Variants in CCDC178 observed in about 807,000 individuals in gnomAD.
The protein encoded by CCDC178 is coiled-coil domain containing 178.
CCDC178 carries 126 observed loss-of-function variants against 117.4 expected under a neutral mutation model. The observed-to-expected ratio is 1.07, with a 90% CI of 0.93 to 1.24. CCDC178 has a LOEUF of 1.24. CCDC178 is among the 50% of genes most tolerant of loss of function. CCDC178 has a pLI of 0.00. For synonymous variants in CCDC178, 283 were observed against 313.4 expected (o/e 0.90, Z 1.02); for missense variants, 1,030 against 986.9 (o/e 1.04, Z -0.59).
chr18:33,074,691 T>A (rs1040220441), intron 21 of CCDC178, among the ~76,000 whole-genome samples: 10 of 151,770 alleles, frequency 6.6e-5, no homozygotes, highest in Non-Finnish European at 1.3e-4. Context: ...GGAAGGGGAG[T>A]GGTAAACAGT....
At chr18:33,079,990 G>A (rs1211093011) in intron 21 of CCDC178, among the ~76,000 whole-genome samples, 3 of 152,144 alleles carry the variant, frequency 2.0e-5, no homozygotes, top group African/African-American at 4.8e-5. Context: ...GCTCATTGCA[G>A]CACTCTTCAC....
intron 6 of CCDC178, among the ~76,000 whole-genome samples, chr18:33,360,093 A>G (rs1181873612): frequency 6.6e-6 from 1 of 151,234 alleles, no homozygotes; most frequent in African/African-American, 2.4e-5. Flanking sequence ...GCTAATAAGG[A>G]TGTGAAGAAA....
rs750139599 is a variant in CCDC178 at position 33,346,406 on chromosome 18, T to C, written c.463A>G (p.Lys155Glu). The stretch of plus-strand genomic sequence containing the variant: ...ATTTCCTGCTTTAACTCTGGACACT[T>C]TTCATCTTAAACAGAAATAAATATT... ...EVKPGEKRDE[K>E]CPELKQEMET... The change falls in exon 9 of 23, where the codon AAG becomes GAG. Residue 155 changes from lysine (K) to glutamate (E), a missense_variant. Lys to Glu is a moderately conservative substitution (Grantham distance 56). Transcript: ENST00000383096. 4 of 1,604,946 alleles carry C rather than the reference T, an allele frequency of 2.5e-6. No individual in the cohort carries two copies. Among genetic ancestry groups the C allele is most frequent in the Admixed American group, 1.7e-5 (1 of 59,616 alleles).
At chr18:33,179,628 C>A (rs2144471895) in intron 20 of CCDC178, among the ~76,000 whole-genome samples, 1 of 152,096 alleles carries the variant, frequency 6.6e-6, no homozygotes, top group East Asian at 1.9e-4. Flanking sequence ...AAAATAGTGT[C>A]TCTTCCCCCA....
intron 12 of CCDC178, among the ~76,000 whole-genome samples, chr18:33,268,184 C>T (rs2059842744): frequency 6.6e-6 from 1 of 151,432 alleles, no homozygotes; most frequent in South Asian, 2.1e-4. Flanking sequence ...TGAGACTACC[C>T]AAAAGGTATC....
chr18:33,321,763 A>C (rs1292367527), intron 11 of CCDC178, among the ~76,000 whole-genome samples: 1 of 152,012 alleles, frequency 6.6e-6, no homozygotes, highest in African/African-American at 2.4e-5. Context: ...AAAAAAATAC[A>C]ACAAATGTGG....
At chr18:33,383,888 C>T (rs563716477) in intron 5 of CCDC178, among the ~76,000 whole-genome samples, 1 of 152,190 alleles carries the variant, frequency 6.6e-6, no homozygotes, top group African/African-American at 2.4e-5. Context: ...AAGTAGGCTT[C>T]ACAAGGTGGG....
rs62090748 is a variant in CCDC178 at position 33,051,781 on chromosome 18, C to A, written c.2388+40980G>T. 2.6e-3 allele frequency among the ~76,000 whole-genome samples: 398 copies of A among 152,210 alleles called. 2 individuals carry two copies. The highest frequency in any genetic ancestry group is 3.5e-3 in the Non-Finnish European group (239 of 68,014). The stretch of plus-strand genomic sequence containing the variant: ...AAACCTCCTTAGATATATTTTTAAA[C>A]AGTCTTTGTTAAATTTACCAATGTA... On this transcript the variant is annotated intron_variant, in intron 21 of 22. Coordinates refer to ENST00000383096, the MANE Select transcript of CCDC178 (RefSeq NM_001105528.4).
At chr18:33,013,670 G>A (rs1434305010) in intron 21 of CCDC178, among the ~76,000 whole-genome samples, 1 of 152,174 alleles carries the variant, frequency 6.6e-6, no homozygotes, top group Admixed American at 6.5e-5. Context: ...CGGAAATAGA[G>A]TATGAGCTTT....
At chr18:33,382,938 C>T in intron 5 of CCDC178, among the ~76,000 whole-genome samples, 1 of 152,200 alleles carries the variant, frequency 6.6e-6, no homozygotes, top group South Asian at 2.1e-4. Context: ...ATTCCCACTG[C>T]CAGCACAACA....
intron 11 of CCDC178, among the ~76,000 whole-genome samples, chr18:33,305,302 T>C (rs1376938501): frequency 1.3e-5 from 2 of 152,156 alleles, no homozygotes; most frequent in African/African-American, 4.8e-5. Context: ...TATATCATTG[T>C]TGTGAGGTCA....
intron 12 of CCDC178, among the ~76,000 whole-genome samples, chr18:33,287,366 T>C (rs1326436807): frequency 6.6e-6 from 1 of 152,208 alleles, no homozygotes. Flanking sequence ...CAGAAAAAAT[T>C]AATATATCTA....
intron 9 of CCDC178, among the ~76,000 whole-genome samples, chr18:33,338,694 T>G (rs1447871187): frequency 1.3e-5 from 2 of 152,030 alleles, no homozygotes; most frequent in African/African-American, 4.8e-5. Flanking sequence ...GGGGCTAAGA[T>G]ATGAGGACTC....
chr18:33,250,842 CAT>C lies in CCDC178; in HGVS notation c.1410-5416_1410-5415del, dbSNP rs931355595. Among the ~76,000 whole-genome samples the C allele has an allele frequency of 2.2e-3, 337 of 151,700 alleles. 2 individuals carry two copies. Among genetic ancestry groups the C allele is most frequent in the African/African-American group, 7.5e-3 (312 of 41,476 alleles). On this transcript the variant is annotated intron_variant, in intron 14 of 22. Transcript: ENST00000383096. ...AAACTGAAAAAATTACACACACACA[CAT>C]AGCTACAAACAAAATTGTGAAATTT...
At chr18:33,065,329 T>C (rs1215713061) in intron 21 of CCDC178, among the ~76,000 whole-genome samples, 1 of 152,132 alleles carries the variant, frequency 6.6e-6, no homozygotes, top group Non-Finnish European at 1.5e-5. Flanking sequence ...ACAACATATA[T>C]ATGTATTGAA....
chr18:33,033,413 C>T (rs139939771), intron 21 of CCDC178, among the ~76,000 whole-genome samples: 15 of 152,160 alleles, frequency 9.9e-5, no homozygotes, highest in East Asian at 5.8e-4. Context: ...TTAGTGTTTT[C>T]GGGATGAATC....
At chr18:33,236,163 A>G (rs894589775) in intron 15 of CCDC178, among the ~76,000 whole-genome samples, 10 of 152,186 alleles carry the variant, frequency 6.6e-5, no homozygotes, top group Non-Finnish European at 1.5e-4. Context: ...ATATTCCTAT[A>G]ATTAATTTCT....
chr18:33,083,968 G>T (rs2057338043), intron 21 of CCDC178, among the ~76,000 whole-genome samples: 3 of 152,158 alleles, frequency 2.0e-5, no homozygotes, highest in Admixed American at 2.0e-4. Context: ...GGATTTATTT[G>T]CAATTGCCCA....
At chr18:33,423,733 C>T (rs1339520693) in intron 2 of CCDC178, among the ~76,000 whole-genome samples, 1 of 151,980 alleles carries the variant, frequency 6.6e-6, no homozygotes, top group Non-Finnish European at 1.5e-5. Flanking sequence ...TTTTCTTTGA[C>T]AAAGTGTTGA....
Sources: gnomAD v4.1 joint callset for allele counts (sites outside exome capture counted in the v4.1 genomes callset) on GRCh38, gnomAD v4.1.1 for gene constraint, MANE v1.5 for transcripts, NCBI Gene and HGNC (gene_info 2026-07-23, HGNC 2026-07-21) for gene names.